ALKBH3: variants seen among roughly 807,000 people sequenced by gnomAD.
The protein encoded by ALKBH3 is alpha-ketoglutarate-dependent dioxygenase alkB homolog 3.
Under a neutral mutation model 43.9 loss-of-function variants are expected in ALKBH3, and 51 were observed. That is an observed-to-expected ratio of 1.16 (90% confidence interval 0.93 to 1.47). The LOEUF (loss-of-function observed/expected upper bound fraction) is 1.47, where lower values mean the gene tolerates loss of function less well. Ranked by LOEUF, ALKBH3 falls within the 40% of genes most tolerant of loss-of-function variation. The pLI is 0.00. For missense variants in ALKBH3, 361 were observed against 351.9 expected, an observed-to-expected ratio of 1.03 and a Z score of -0.21; for synonymous variants, 102 against 115.2, an observed-to-expected ratio of 0.89 and a Z score of 0.73.
intron 1 of ALKBH3, chr11:43,881,457 C>G (rs1469632143): frequency 6.6e-6 from 1 of 152,196 alleles, no homozygotes; most frequent in African/African-American, 2.4e-5. Flanking sequence ...GTGAGCAAGT[C>G]GTATCCTCTG....
At chr11:43,891,893 T>C in intron 6 of ALKBH3, 148 bp from the exon 7 acceptor site, 1 of 631,186 alleles carries the variant, frequency 1.6e-6, no homozygotes, top group Non-Finnish European at 2.8e-6. Flanking sequence ...GTCCCATATC[T>C]TCTGTGAAGG....
intron 9 of ALKBH3, among the ~76,000 whole-genome samples, 154 bp downstream of exon 9, chr11:43,919,290 A>G (rs1952008426): frequency 6.6e-6 from 1 of 152,212 alleles, no homozygotes; most frequent in Non-Finnish European, 1.5e-5. Context: ...TTTTGCTACT[A>G]CTGACAATCC....
At chr11:43,913,106 T>C (rs1041848237) in intron 8 of ALKBH3, among the ~76,000 whole-genome samples, 5 of 133,918 alleles carry the variant, frequency 3.7e-5, no homozygotes, top group African/African-American at 1.4e-4. Flanking sequence ...TTCCAGTTGT[T>C]AAAAAAAAAA....
At chr11:43,899,935 A>G (rs1188832832) in intron 7 of ALKBH3, among the ~76,000 whole-genome samples, 1 of 151,746 alleles carries the variant, frequency 6.6e-6, no homozygotes, top group African/African-American at 2.4e-5. Flanking sequence ...AAAGAAGAAT[A>G]TCTACAGTTA....
intron 5 of ALKBH3, among the ~76,000 whole-genome samples, chr11:43,887,184 C>T (rs1295418967): frequency 1.3e-5 from 2 of 152,144 alleles, no homozygotes; most frequent in Non-Finnish European, 2.9e-5. Context: ...TTGATAATAT[C>T]TCCTTTTTAT....
intron 6 of ALKBH3, 141 bp downstream of exon 6, chr11:43,889,969 A>G: frequency 1.4e-6 from 1 of 690,310 alleles, no homozygotes; most frequent in Non-Finnish European, 2.4e-6. Context: ...AGAATTAGCC[A>G]AAAAGGACAG....
chr11:43,902,617 A>T (rs1184194355), intron 8 of ALKBH3, among the ~76,000 whole-genome samples: 1 of 152,134 alleles, frequency 6.6e-6, no homozygotes. Flanking sequence ...TTTTTTAGAG[A>T]GGGAGTCTCA....
Position 43,919,135 on chromosome 11 carries a change from A to C in ALKBH3, c.767A>C (p.Gln256Pro). 5 of 1,610,580 alleles carry C rather than the reference A, an allele frequency of 3.1e-6. No individual in the cohort carries two copies. Among genetic ancestry groups the C allele is most frequent in the East Asian group, 2.2e-5 (1 of 44,870 alleles). Residue 256 changes from glutamine to proline, a missense_variant and splice_region_variant, in exon 9 of 10, where the codon CAG (glutamine) becomes CCG (proline). Transcript: ENST00000302708. ...IMEGATQADW[Q>P]HRVPKEYHSR... The stretch of plus-strand genomic sequence containing the variant: ...GAAGGAGCGACACAAGCTGACTGGC[A>C]GGTGAGGATCTGCAAGTAATATGAA...
In ALKBH3 at chr11:43,919,098, T is replaced by G; in HGVS notation, c.730T>G (p.Leu244Val). The change falls in exon 9 of 10, where the codon TTG becomes GTG. Residue 244 changes from leucine to valine, a missense_variant. By Grantham distance (32) the Leu-to-Val change is conservative. Transcript: ENST00000302708. ...RVKIPLDHGT[L>V]LIMEGATQAD... ...GAAGATACCCTTGGATCATGGGACCTTGTTAATCATGGAAGGAGCGACACA... is the reference window on the plus strand; with the variant it reads ...GAAGATACCCTTGGATCATGGGACCGTGTTAATCATGGAAGGAGCGACACA... 6.2e-7 allele frequency: 1 copy of G among 1,613,400 alleles called. No individual in the cohort carries two copies. Among genetic ancestry groups the G allele is most frequent in the African/African-American group, 1.3e-5 (1 of 75,046 alleles).
At position 43,884,069 on chromosome 11, in the gene ALKBH3, C is replaced by T. The variant is rs747306255; in HGVS notation, c.218+52C>T. ...TTGTTGCCCACAGTGAAATGAAGAGCCTGGAATCTTTCCTCACTGTTTTTT... is the reference window on the plus strand; with the variant it reads ...TTGTTGCCCACAGTGAAATGAAGAGTCTGGAATCTTTCCTCACTGTTTTTT... On this transcript the variant is annotated intron_variant, in intron 4 of 9. Coordinates refer to ENST00000302708, the MANE Select transcript of ALKBH3 (RefSeq NM_139178.4). 5 of 1,602,712 alleles carry T rather than the reference C, an allele frequency of 3.1e-6. 1 individual carries two copies. In the South Asian group the frequency reaches 5.5e-5, roughly 18 times the overall value.
Position 43,884,007 on chromosome 11 carries a change from C to T in ALKBH3, c.208C>T (p.Arg70Ter), listed in dbSNP as rs145265812. 1,632 of 1,613,832 alleles carry T rather than the reference C, an allele frequency of 1.0e-3. 1 individual carries two copies. The highest frequency in any genetic ancestry group is 1.3e-3 in the Non-Finnish European group (1,487 of 1,179,886). ...GGTAGTACGTAGAGCTCCTGAGCCA[C>T]GAGTGATTGAGTAAGTAATTTGCTG... is the stretch of plus-strand genomic sequence containing the variant. ...QQVVRRAPEP[R>*]VIDREGVYEI... The change falls in exon 4 of 10, where the codon CGA becomes TGA. Residue 70 changes from arginine (R) to a stop codon, truncating the protein, a stop_gained. Coordinates refer to ENST00000302708, the MANE Select transcript of ALKBH3 (RefSeq NM_139178.4). LOFTEE classifies it high-confidence loss of function.
chr11:43,884,976 G>A (rs1400453589), intron 4 of ALKBH3, among the ~76,000 whole-genome samples: 2 of 150,988 alleles, frequency 1.3e-5, no homozygotes, highest in Admixed American at 6.6e-5. Flanking sequence ...GGCTGGTTTC[G>A]AATTCCTGGG....
rs573643560 is a variant in ALKBH3 at position 43,920,228 on chromosome 11, G to A, written c.*218G>A. The A allele has an allele frequency of 1.2e-5, 6 of 503,336 alleles. No individual in the cohort carries two copies. Among genetic ancestry groups the A allele is most frequent in the Admixed American group, 3.4e-5 (1 of 29,084 alleles). The allele number at this position is 503,336 out of a possible 1,614,324, so 31.2% of individuals were successfully genotyped here. A position where few individuals can be genotyped will look rare whatever the true frequency, so the allele number is the denominator to read the frequency against. On this transcript the variant is annotated 3_prime_UTR_variant, in exon 10 of 10. Coordinates refer to ENST00000302708, the MANE Select transcript of ALKBH3 (RefSeq NM_139178.4). ...TTATCCCTAACCACAGCTCAAAATC[G>A]CTATCATCTTTAGGCAAATTAAAAT... is the stretch of plus-strand genomic sequence containing the variant.
In ALKBH3 at chr11:43,901,590, C is replaced by A. The variant is rs747841803; in HGVS notation, c.534C>A (p.Cys178Ter). 1.2e-6 allele frequency: 2 copies of A among 1,614,122 alleles called. No individual in the cohort carries two copies. The highest frequency in any genetic ancestry group is 1.3e-5 in the African/African-American group (1 of 74,952). Residue 178 changes from cysteine (C) to a stop codon, truncating the protein, a stop_gained, in exon 8 of 10, where the codon TGC becomes TGA. Transcript: ENST00000302708. LOFTEE classifies it high-confidence loss of function. ...NTGHTFNSLLCNLYRNEKDSV... is the reference protein window; with the variant it reads ...NTGHTFNSLL ...GCCACACCTTCAACTCCTTACTCTG[C>A]AATCTTTATCGCAATGAGAAGGACA...
chr11:43,919,829 C>A (rs1355500527), intron 9 of ALKBH3, 89 bp from the exon 10 acceptor site: 1 of 1,190,786 alleles, frequency 8.4e-7, no homozygotes, highest in African/African-American at 1.5e-5. Flanking sequence ...GGAAATATTT[C>A]TGCATTCTCA....
At chr11:43,905,635 G>C (rs1337767639) in intron 8 of ALKBH3, among the ~76,000 whole-genome samples, 1 of 152,078 alleles carries the variant, frequency 6.6e-6, no homozygotes, top group South Asian at 2.1e-4. Context: ...TAAGTGAAGG[G>C]CACCTTATCT....
In ALKBH3 at chr11:43,889,655, T is replaced by A. The variant is rs377013473; in HGVS notation, c.267-70T>A. 2.8e-5 allele frequency: 37 copies of A among 1,343,854 alleles called. No individual in the cohort carries two copies. The African/African-American group carries it at 4.7e-4, about 17-fold the overall frequency. 83.2% of individuals were successfully genotyped at this position (1,343,854 alleles called of 1,614,324 possible). A position where few individuals can be genotyped will look rare whatever the true frequency, so the allele number is the denominator to read the frequency against. The stretch of plus-strand genomic sequence containing the variant: ...AGAGGCTGCATCCAGATTAACTGTT[T>A]CCACTAACATTTAGAGTCTAACTTA... On this transcript the variant is annotated intron_variant, in intron 5 of 9. Coordinates refer to ENST00000302708, the MANE Select transcript of ALKBH3 (RefSeq NM_139178.4).
chr11:43,915,563 A>G (rs560312917), intron 8 of ALKBH3, among the ~76,000 whole-genome samples: 1 of 152,172 alleles, frequency 6.6e-6, no homozygotes, highest in Non-Finnish European at 1.5e-5. Flanking sequence ...GTGTATGAAA[A>G]TCAATCTCCA....
At chr11:43,901,912 A>G (rs1157678251) in intron 8 of ALKBH3, among the ~76,000 whole-genome samples, 187 bp downstream of exon 8, 2 of 152,222 alleles carry the variant, frequency 1.3e-5, no homozygotes, top group African/African-American at 2.4e-5. Context: ...ATTCATTTAC[A>G]AGTCCAACAA....
Sources: gnomAD v4.1 joint callset for allele counts (sites outside exome capture counted in the v4.1 genomes callset) on GRCh38, gnomAD v4.1.1 for gene constraint, MANE v1.5 for transcripts, NCBI Gene and HGNC (gene_info 2026-07-23, HGNC 2026-07-21) for gene names.